ANK1: variants seen among roughly 807,000 people sequenced by gnomAD.
ANK1 encodes ankyrin-1.
A neutral mutation model predicts 210.4 loss-of-function variants in ANK1; 51 were observed. The ratio of observed to expected loss-of-function variants is 0.24; its 90% CI spans 0.19 to 0.31. The LOEUF (loss-of-function observed/expected upper bound fraction) is 0.31, where lower values mean the gene tolerates loss of function less well. Ranked by LOEUF, ANK1 falls within the 10% of genes least tolerant of loss-of-function variation. The pLI, the probability that ANK1 is intolerant of heterozygous loss-of-function variation, is 1.00. For missense variants in ANK1, 2,051 were observed against 2,504.4 expected (o/e 0.82, Z 3.86); for synonymous variants, 967 against 1,025.9 (o/e 0.94, Z 1.10).
chr8:41,836,744 C>G (rs1316761783), intron 1 of ANK1, among the ~76,000 whole-genome samples: 1 of 151,646 alleles, frequency 6.6e-6, no homozygotes, highest in Admixed American at 6.6e-5. Flanking sequence ...AGACTCCTGT[C>G]TCTATAAAAA....
intron 2 of ANK1, among the ~76,000 whole-genome samples, chr8:41,738,687 T>A (rs192487899): frequency 4.6e-4 from 70 of 152,350 alleles, no homozygotes; most frequent in African/African-American, 1.6e-3. Flanking sequence ...ATTTACCACC[T>A]CTTCAAAACT....
chr8:41,871,806 C>T (rs371483114), intron 1 of ANK1, among the ~76,000 whole-genome samples: 21 of 152,330 alleles, frequency 1.4e-4, no homozygotes, highest in African/African-American at 4.6e-4. Flanking sequence ...AGAAAACCTG[C>T]GTGTGAAATA....
In ANK1 at chr8:41,712,083, C is replaced by G. The variant is rs543030173; in HGVS notation, c.1800+2073G>C. On this transcript the variant is annotated intron_variant, in intron 16 of 42. Transcript: ENST00000289734. ...GGGATTACAGGTGCACGCTGCCATGCCCGGCTAATTTTTGTATTTTTAGTA... is the reference window on the plus strand; with the variant it reads ...GGGATTACAGGTGCACGCTGCCATGGCCGGCTAATTTTTGTATTTTTAGTA... Among the ~76,000 whole-genome samples the G allele has an allele frequency of 3.6e-3, 551 of 152,264 alleles. 4 individuals carry two copies. Among genetic ancestry groups the G allele is most frequent in the Non-Finnish European group, 5.3e-3 (360 of 68,018 alleles).
rs1042068456 is a variant in ANK1, at chr8:41,655,418, A to G, written c.*372T>C. The G allele has an allele frequency of 8.2e-5, 29 of 352,166 alleles. No homozygotes were observed. The highest frequency in any genetic ancestry group is 1.3e-4 in the Non-Finnish European group (25 of 195,374). The allele number at this position is 352,166 out of a possible 1,614,324, so 21.8% of individuals were successfully genotyped here. ...TTAAAAAAAAAACCCCAAAACCAAA[A>G]CCCATCCCCAGCCACAAAAAGCCCT... On this transcript the variant is annotated 3_prime_UTR_variant, in exon 43 of 43. Coordinates refer to ENST00000289734, the MANE Select transcript of ANK1 (RefSeq NM_000037.4).
At chr8:41,727,758 C>A in intron 4 of ANK1, 150 bp downstream of exon 4, 1 of 748,484 alleles carries the variant, frequency 1.3e-6, no homozygotes, top group South Asian at 1.5e-5. Context: ...ACCTTCACCA[C>A]TGCTCAGAGA....
In ANK1 at chr8:41,672,418, T is replaced by C. The variant is rs772335161; in HGVS notation, c.5032A>G (p.Arg1678Gly). The C allele has an allele frequency of 6.2e-7, 1 of 1,614,228 alleles. No homozygotes were observed. Among genetic ancestry groups the C allele is most frequent in the Non-Finnish European group, 8.5e-7 (1 of 1,180,038 alleles). ...NEVSLVSGHQRGQARITHSPT... is the reference protein window; with the variant it reads ...NEVSLVSGHQGGQARITHSPT... ...GAATGTGTGATTCGGGCTTGCCCCC[T>C]CTGATGGCCTGAAACAAGAGACACT... Residue 1678 changes from arginine (R) to glycine (G), a missense_variant, in exon 38 of 43, where the codon AGG (arginine) becomes GGG (glycine). By Grantham distance (125) the Arg-to-Gly change is moderately radical. This residue lies in a region of ANK1 where 496 missense variants were observed against 533.4 expected (regional missense o/e 0.93). Transcript: ENST00000289734.
chr8:41,798,317 G>A (rs1452263860), upstream of ANK1, among the ~76,000 whole-genome samples: 3 of 152,162 alleles, frequency 2.0e-5, no homozygotes, highest in African/African-American at 7.2e-5. Flanking sequence ...CCGATTTGCA[G>A]GGAATCTGGG....
At chr8:41,894,626 C>T (rs1295558036) in intron 1 of ANK1, among the ~76,000 whole-genome samples, 1 of 151,978 alleles carries the variant, frequency 6.6e-6, no homozygotes, top group Non-Finnish European at 1.5e-5. Context: ...AGGAAGGCTG[C>T]GAGAGAGAGG....
intron 1 of ANK1, among the ~76,000 whole-genome samples, chr8:41,813,575 T>G (rs1802814502): frequency 6.6e-6 from 1 of 152,270 alleles, no homozygotes; most frequent in African/African-American, 2.4e-5. Context: ...CTTCTGAAAC[T>G]TGGCCTGAGC....
chr8:41,709,160 C>T (rs907202423), intron 16 of ANK1, among the ~76,000 whole-genome samples, 185 bp from the exon 17 acceptor site: 5 of 152,110 alleles, frequency 3.3e-5, no homozygotes, highest in African/African-American at 1.2e-4. Context: ...GGAGACAGCT[C>T]CTCAGGCTTG....
chr8:41,863,906 G>A lies in ANK1; in HGVS notation c.126+32449C>T, dbSNP rs540026708. 3.3e-5 allele frequency among the ~76,000 whole-genome samples: 5 copies of A among 152,220 alleles called. No individual in the cohort carries two copies. In the East Asian group the frequency reaches 9.7e-4, roughly 29 times the overall value. On this transcript the variant is annotated intron_variant, in intron 1 of 42. Coordinates refer to the ANK1 transcript ENST00000265709. ...TGTGGGTTCTTATTCTATGAAACAG[G>A]GGCAATGAATGAGGCTGCTGCACGT...
At position 41,716,941 on chromosome 8, in the gene ANK1, T is replaced by C; in HGVS notation, c.1404+12A>G. On this transcript the variant is annotated intron_variant, in intron 13 of 42. Transcript: ENST00000289734. ...CATCTGAAACCCTTCCCTTCCTGCC[T>C]TCACTACTCACCTTGGCCTTGGCAT... The C allele has an allele frequency of 6.2e-7, 1 of 1,613,420 alleles. No homozygotes were observed. Among genetic ancestry groups the C allele is most frequent in the East Asian group, 2.2e-5 (1 of 44,894 alleles).
At chr8:41,848,782 A>T (rs1810592408) in intron 1 of ANK1, among the ~76,000 whole-genome samples, 1 of 152,234 alleles carries the variant, frequency 6.6e-6, no homozygotes, top group Non-Finnish European at 1.5e-5. Flanking sequence ...CTGTGCAGAC[A>T]GCCTGGTATT....
intron 9 of ANK1, among the ~76,000 whole-genome samples, chr8:41,721,358 T>G (rs139851312): frequency 6.4e-4 from 97 of 152,098 alleles, no homozygotes; most frequent in Middle Eastern, 3.4e-3. Flanking sequence ...CCTCACAGCC[T>G]CAGAAGGAAT....
chr8:41,744,415 T>C (rs1033674611), intron 2 of ANK1, among the ~76,000 whole-genome samples: 1 of 151,818 alleles, frequency 6.6e-6, no homozygotes, highest in Admixed American at 6.6e-5. Flanking sequence ...CTCAACACAA[T>C]ACTGATCAAT....
chr8:41,896,154 G>T (rs541342063), intron 1 of ANK1, among the ~76,000 whole-genome samples: 1 of 152,180 alleles, frequency 6.6e-6, no homozygotes, highest in South Asian at 2.1e-4. Flanking sequence ...TGCCCTTCCA[G>T]CCTGCCGCCC....
intron 1 of ANK1, among the ~76,000 whole-genome samples, chr8:41,780,951 G>C (rs550710721): frequency 1.3e-5 from 2 of 151,800 alleles, no homozygotes; most frequent in South Asian, 4.2e-4. Flanking sequence ...GCAGCTGGGG[G>C]TGGGGAGAGA....
intron 1 of ANK1, among the ~76,000 whole-genome samples, chr8:41,796,542 C>T (rs1263905558): frequency 6.7e-6 from 1 of 149,036 alleles, no homozygotes; most frequent in Non-Finnish European, 1.5e-5. Flanking sequence ...GAGCCTCTCT[C>T]TCCTTAGAAA....
Position 41,857,071 on chromosome 8 carries a change from G to T in ANK1, c.126+39284C>A, listed in dbSNP as rs562834746. Among the ~76,000 whole-genome samples the T allele has an allele frequency of 4.0e-5, 6 of 151,582 alleles. No individual in the cohort carries two copies. The East Asian group carries it at 1.2e-3, about 30-fold the overall frequency. On this transcript the variant is annotated intron_variant, in intron 1 of 42. Coordinates refer to the ANK1 transcript ENST00000265709. ...ATTTTGTGTTTTCAGTAGAGACAGG[G>T]TTTCACCATGTTGGTCAGGCTGGTC...
Sources: allele counts gnomAD v4.1 joint callset (sites outside exome capture counted in the v4.1 genomes callset), GRCh38; gene constraint gnomAD v4.1.1; regional missense constraint gnomAD v4.1.1; transcripts MANE v1.5; gene names NCBI Gene and HGNC (gene_info 2026-07-23, HGNC 2026-07-21).